ALG13: variants seen among roughly 807,000 people sequenced by gnomAD.
ALG13 encodes the protein ALG13 UDP-N-acetylglucosaminyltransferase subunit.
Under a neutral mutation model 87.8 loss-of-function variants are expected in ALG13, and 11 were observed. The observed-to-expected ratio is 0.13, with a 90% CI of 0.08 to 0.21. ALG13 has a LOEUF of 0.21. Ranked by LOEUF, ALG13 falls within the 10% of genes least tolerant of loss-of-function variation. The probability of loss-of-function intolerance (pLI) is 1.00; values close to 1 mark genes in which losing one functional copy is unlikely to be tolerated. For synonymous variants in ALG13, 320 were observed against 306.3 expected, an observed-to-expected ratio of 1.04 and a Z score of -0.47; for missense variants, 756 against 866.1, an observed-to-expected ratio of 0.87 and a Z score of 1.60.
In ALG13 at chrX:111,757,571, G is replaced by A; in HGVS notation, c.2974-17G>A. On this transcript the variant is annotated splice_polypyrimidine_tract_variant and intron_variant, in intron 25 of 26. Transcript: ENST00000394780. ...GAGTGAAGTTTCTTATTTTTTTGTT[G>A]CCCTTTCTTGCTCAAGTGCTATTAC... is the stretch of plus-strand genomic sequence containing the variant. The A allele has an allele frequency of 8.8e-7, 1 of 1,131,505 alleles. No individual in the cohort carries two copies. The highest frequency in any genetic ancestry group is 1.2e-6 in the Non-Finnish European group (1 of 854,302). The allele number at this position is 1,131,505 out of a possible 1,213,427, so 93.2% of individuals were successfully genotyped here. A position where few individuals can be genotyped will look rare whatever the true frequency, so the allele number is the denominator to read the frequency against.
chrX:111,760,127 AT>A lies in ALG13; in HGVS notation c.*132del. 1 of 770,989 alleles carries A rather than the reference AT, an allele frequency of 1.3e-6. No homozygotes were observed. The highest frequency in any genetic ancestry group is 1.8e-6 in the Non-Finnish European group (1 of 560,036). The allele number at this position is 770,989 out of a possible 1,213,427, so 63.5% of individuals were successfully genotyped here. ...TACTATTGTATTTGTCTTTAAAATT[AT>A]TTTATCTTTTGATTTAAAATAGTAC... is the stretch of plus-strand genomic sequence containing the variant. On this transcript the variant is annotated 3_prime_UTR_variant, in exon 27 of 27. Transcript: ENST00000394780.
intron 3 of ALG13, among the ~76,000 whole-genome samples, chrX:111,697,043 A>C (rs777684767): frequency 2.1e-5 from 2 of 93,125 alleles, no homozygotes; most frequent in South Asian, 1.0e-3. Flanking sequence ...TTTGTCAGGT[A>C]GCAGCTAACA....
At chrX:111,746,932 C>A (rs1447593406) in intron 24 of ALG13, among the ~76,000 whole-genome samples, 1 of 111,353 alleles carries the variant, frequency 9.0e-6, no homozygotes, top group Non-Finnish European at 1.9e-5. Flanking sequence ...CTGTTTCTTG[C>A]CAAATTGAGA....
At position 111,759,876 on chromosome X, in the gene ALG13, C is replaced by A. The variant is rs1329885117; in HGVS notation, c.3291C>A (p.Pro1097=). ...TGCCAGATTATTCCTGTGTTCCCCC[C>A]TGGCATCCAGTTGGTACAGCATATG... The part of the protein sequence containing the change: ...PVVPDYSCVP[P]WHPVGTAYGG... Residue 1097 remains proline (P), a synonymous_variant, in exon 27 of 27, where the codon CCC becomes CCA. Coordinates refer to ENST00000394780, the MANE Select transcript of ALG13 (RefSeq NM_001099922.3). The A allele has an allele frequency of 4.1e-6, 5 of 1,211,137 alleles. No individual in the cohort carries two copies. The highest frequency in any genetic ancestry group is 5.6e-6 in the Non-Finnish European group (5 of 895,338).
chrX:111,749,268 T>A (rs780818580), intron 24 of ALG13, among the ~76,000 whole-genome samples: 102 of 110,898 alleles, frequency 9.2e-4, no homozygotes, highest in African/African-American at 3.0e-3. Context: ...TCTTTATGGA[T>A]CTCCAGTATT....
chrX:111,758,423 C>A (rs1427637503), intron 26 of ALG13, among the ~76,000 whole-genome samples: 3 of 112,160 alleles, frequency 2.7e-5, no homozygotes, highest in Admixed American at 9.5e-5. Context: ...GCCAAAGATA[C>A]AATTTTAGCT....
intron 3 of ALG13, among the ~76,000 whole-genome samples, chrX:111,685,485 C>A (rs1227436652): frequency 1.8e-5 from 2 of 112,049 alleles, no homozygotes; most frequent in East Asian, 5.6e-4. Context: ...TATAGTAAAT[C>A]CACTAAAATC....
intron 23 of ALG13, among the ~76,000 whole-genome samples, chrX:111,743,464 G>C (rs1215916775): frequency 9.0e-6 from 1 of 111,571 alleles, no homozygotes; most frequent in Admixed American, 9.6e-5. Context: ...TTGGTGCCCA[G>C]TTCTGTGAGC....
chrX:111,728,094 A>G (rs994455659), intron 18 of ALG13, 91 bp from the exon 19 acceptor site: 2 of 1,100,536 alleles, frequency 1.8e-6, no homozygotes, highest in Admixed American at 2.3e-5. Context: ...TTGTTAGGCT[A>G]GTTTTTAAAC....
intron 23 of ALG13, among the ~76,000 whole-genome samples, chrX:111,739,486 A>C (rs1356802662): frequency 2.7e-5 from 3 of 112,698 alleles, no homozygotes; most frequent in Non-Finnish European, 5.6e-5. Context: ...AAACAGCAGA[A>C]TATTCTAATA....
rs878943540 is a variant in ALG13 at position 111,708,483 on chromosome X, T to C, written c.750+90T>C. ...AGTTTGCCAGAAGAAACAAAAAAATTCCCCTGCTTTCTAGTGAAAACATCG... is the reference window on the plus strand; with the variant it reads ...AGTTTGCCAGAAGAAACAAAAAAATCCCCCTGCTTTCTAGTGAAAACATCG... On this transcript the variant is annotated intron_variant, in intron 4 of 26. Transcript: ENST00000394780. The C allele has an allele frequency of 6.7e-6, 7 of 1,048,670 alleles. No individual in the cohort carries two copies. The South Asian group carries it at 1.1e-4, about 17-fold the overall frequency. 86.4% of individuals were successfully genotyped at this position (1,048,670 alleles called of 1,213,427 possible). A position where few individuals can be genotyped will look rare whatever the true frequency, so the allele number is the denominator to read the frequency against.
intron 23 of ALG13, among the ~76,000 whole-genome samples, chrX:111,738,353 A>G (rs1943430482): frequency 8.9e-6 from 1 of 111,910 alleles, no homozygotes; most frequent in Non-Finnish European, 1.9e-5. Context: ...TATTTGCATT[A>G]TGCTTGTTGA....
At chrX:111,706,105 A>C (rs1319709026) in intron 3 of ALG13, among the ~76,000 whole-genome samples, 1 of 108,347 alleles carries the variant, frequency 9.2e-6, no homozygotes, top group Admixed American at 9.9e-5. Context: ...CCCAGGCTGG[A>C]GTGCAGTGGT....
At chrX:111,693,526 A>G (rs961482066) in intron 3 of ALG13, among the ~76,000 whole-genome samples, 2 of 111,492 alleles carry the variant, frequency 1.8e-5, no homozygotes, top group East Asian at 5.6e-4. Flanking sequence ...GATTACAGGC[A>G]TGAGGCACTG....
chrX:111,693,904 G>T (rs1317043284), intron 3 of ALG13, among the ~76,000 whole-genome samples: 1 of 111,097 alleles, frequency 9.0e-6, no homozygotes, highest in Non-Finnish European at 1.9e-5. Context: ...AGGCTGAGGC[G>T]AACTTCAGTA....
chrX:111,754,866 A>G (rs866844587), intron 25 of ALG13, among the ~76,000 whole-genome samples: 3 of 112,091 alleles, frequency 2.7e-5, no homozygotes, highest in Admixed American at 1.9e-4. Flanking sequence ...TATAGATTCA[A>G]TGTTATTCCC....
chrX:111,758,348 C>T (rs1448412187), intron 26 of ALG13, among the ~76,000 whole-genome samples: 5 of 111,556 alleles, frequency 4.5e-5, no homozygotes, highest in Admixed American at 9.6e-5. Flanking sequence ...TTGATCTGGC[C>T]GGCATTTTCT....
At chrX:111,729,198 A>G (rs1191121787) in intron 19 of ALG13, among the ~76,000 whole-genome samples, 1 of 111,110 alleles carries the variant, frequency 9.0e-6, no homozygotes, top group Non-Finnish European at 1.9e-5. Context: ...GTATACACAC[A>G]CATAGCCTTA....
intron 3 of ALG13, among the ~76,000 whole-genome samples, chrX:111,696,982 CTTTTTTTTTTT>C (rs55888261): frequency 9.4e-5 from 7 of 74,132 alleles, no homozygotes; most frequent in Admixed American, 1.5e-4. Context: ...TGGTTCTTAC[CTTTTTTTTTTT>C]TTTTTTTTTT....
Sources: gnomAD v4.1 joint callset for allele counts (sites outside exome capture counted in the v4.1 genomes callset) on GRCh38, gnomAD v4.1.1 for gene constraint, MANE v1.5 for transcripts, NCBI Gene and HGNC (gene_info 2026-07-23, HGNC 2026-07-21) for gene names.